TTN: variants seen among roughly 807,000 people sequenced by gnomAD.
TTN encodes the protein connectin.
TTN carries 1,525 observed loss-of-function variants against 3,223.0 expected under a neutral mutation model. The ratio of observed to expected loss-of-function variants is 0.47; its 90% confidence interval spans 0.45 to 0.49. The LOEUF is 0.49. TTN is among the 20% of genes least tolerant of loss of function. The pLI is 0.00. For synonymous variants in TTN, 14,094 were observed against 15,161.0 expected (o/e 0.93, Z 5.17); for missense variants, 40,786 against 43,424.0 (o/e 0.94, Z 5.40).
In TTN at chr2:178,601,512, A is replaced by T. The variant is rs1213190093; in HGVS notation, c.55485T>A (p.Ser18495Arg). The change falls in exon 287 of 363, where the codon AGT becomes AGA. Residue 18495 changes from serine (S) to arginine (R), a missense_variant. Physicochemically the swap from Ser to Arg is moderately radical, Grantham distance 110 (BLOSUM62 -1). Coordinates refer to ENST00000589042, the MANE Select transcript of TTN (RefSeq NM_001267550.2). ...DLKVSDITRG[S>R]CRLSWKMPDD... Reference sequence around the variant, plus strand: ...CTGGCATCTTCCATGAAAGTCTGCAACTACCCCTTGTGATATCACTGACTT... The same window carrying T: ...CTGGCATCTTCCATGAAAGTCTGCATCTACCCCTTGTGATATCACTGACTT... 6.2e-7 allele frequency: 1 copy of T among 1,612,846 alleles called. No individual in the cohort carries two copies. Among genetic ancestry groups the T allele is most frequent in the African/African-American group, 1.3e-5 (1 of 74,848 alleles).
In TTN at chr2:178,620,016, C is replaced by A. The variant is rs1467418331; in HGVS notation, c.46401G>T (p.Arg15467Ser). The A allele has an allele frequency of 4.3e-6, 7 of 1,611,494 alleles. No homozygotes were observed. The Admixed American group carries it at 6.7e-5, about 15-fold the overall frequency. The change falls in exon 249 of 363, where the codon AGG becomes AGT. Residue 15467 changes from arginine to serine, a missense_variant. By Grantham distance (110) the Arg-to-Ser change is moderately radical (BLOSUM62 -1). Transcript: ENST00000589042. The part of the protein sequence containing the change: ...ECEYACGVED[R>S]KSRARLFVEE... ...CCACAAAAAGTCTAGCACGAGACTT[C>A]CTGTCTTCTACCCCGCAAGCATATT...
chr2:178,680,411 A>C, intron 138 of TTN, 80 bp from the exon 139 acceptor site: 1 of 1,155,126 alleles, frequency 8.7e-7, no homozygotes, highest in Non-Finnish European at 1.3e-6. Flanking sequence ...TACTTTAAGC[A>C]GATAGAATAA....
Position 178,651,329 on chromosome 2 carries a change from A to G in TTN, c.39548-9T>C, listed in dbSNP as rs1437594941. The G allele has an allele frequency of 1.2e-6, 2 of 1,611,924 alleles. No individual in the cohort carries two copies. Among genetic ancestry groups the G allele is most frequent in the Non-Finnish European group, 1.7e-6 (2 of 1,178,724 alleles). On this transcript the variant is annotated splice_polypyrimidine_tract_variant and intron_variant, in intron 207 of 362. Transcript: ENST00000589042. Reference sequence around the variant, plus strand: ...TTTTGGAACTTCAGGCACTTCAAATATATTAGTATTTTAACATTAGAAACA... The same window carrying G: ...TTTTGGAACTTCAGGCACTTCAAATGTATTAGTATTTTAACATTAGAAACA...
At chr2:178,792,288 A>G (rs2093551187) in intron 9 of TTN, 91 bp from the exon 10 acceptor site, 37 of 1,336,628 alleles carry the variant, frequency 2.8e-5, no homozygotes, top group Non-Finnish European at 3.8e-5. Context: ...AGGAATTTGA[A>G]GATGTAAAAT....
Position 178,570,368 on chromosome 2 carries a change from A to G in TTN, c.75764T>C (p.Val25255Ala), listed in dbSNP as rs1226764220. Reference sequence around the variant, plus strand: ...GCTGAGAGTCTGCACATTGGCATCAACCACAGTCCAAACTAAGCGGCTGGT... The same window carrying G: ...GCTGAGAGTCTGCACATTGGCATCAGCCACAGTCCAAACTAAGCGGCTGGT... ...RETSRLVWTV[V>A]DANVQTLSCK... Residue 25255 changes from valine (V) to alanine (A), a missense_variant, in exon 326 of 363, where the codon GTT becomes GCT. Val to Ala is a moderately conservative substitution (Grantham distance 64). Coordinates refer to ENST00000589042, the MANE Select transcript of TTN (RefSeq NM_001267550.2). 2 of 1,613,238 alleles carry G rather than the reference A, an allele frequency of 1.2e-6. No individual in the cohort carries two copies. Among genetic ancestry groups the G allele is most frequent in the Non-Finnish European group, 1.7e-6 (2 of 1,179,604 alleles).
At chr2:178,733,164 G>C (rs757377645) in intron 54 of TTN, 43 bp from the exon 55 acceptor site, 46 of 1,558,278 alleles carry the variant, frequency 3.0e-5, no homozygotes, top group Non-Finnish European at 3.8e-5. Flanking sequence ...ATATAGAAGA[G>C]TGCTCAGTGA....
Position 178,775,153 on chromosome 2 carries a change from C to T in TTN, c.6558G>A (p.Lys2186=), listed in dbSNP as rs1255684366. The T allele has an allele frequency of 6.2e-7, 1 of 1,613,770 alleles. No homozygotes were observed. The highest frequency in any genetic ancestry group is 1.3e-5 in the African/African-American group (1 of 74,864). The change falls in exon 29 of 363, where the codon AAG becomes AAA. Residue 2186 remains lysine, a synonymous_variant. Transcript: ENST00000589042. The part of the protein sequence containing the change: ...FTQELQDVVA[K]EKDTMATFEC... ...CAAAGGTTGCCATAGTGTCTTTTTC[C>T]TTAGCAACAACATCTTGTAATTCCT...
In TTN at chr2:178,684,349, C is replaced by A. The variant is rs397517542; in HGVS notation, c.32703G>T (p.Glu10901Asp). Residue 10901 changes from glutamate to aspartate, a missense_variant, in exon 132 of 363, where the codon GAG becomes GAT. Glu to Asp is a conservative substitution (Grantham distance 45, BLOSUM62 2). Coordinates refer to ENST00000589042, the MANE Select transcript of TTN (RefSeq NM_001267550.2). ...ATGTACCTCTTGCTTTTGGAGGCGC[C>A]TCTTTTTTAGTTACAGCAACAAGAA... The part of the protein sequence containing the change: ...EKVLVAVTKK[E>D]APPKARVPEE... 1 of 1,613,494 alleles carries A rather than the reference C, an allele frequency of 6.2e-7. No homozygotes were observed. Among genetic ancestry groups the A allele is most frequent in the Non-Finnish European group, 8.5e-7 (1 of 1,179,640 alleles).
chr2:178,742,711 T>C (rs1024939242), intron 47 of TTN, among the ~76,000 whole-genome samples: 3 of 152,114 alleles, frequency 2.0e-5, no homozygotes, highest in African/African-American at 7.2e-5. Flanking sequence ...ATGAAAGACA[T>C]GTAATTTTAA....
Position 178,553,525 on chromosome 2 carries a change from G to T in TTN, c.89480C>A (p.Pro29827His), listed in dbSNP as rs1432117509. The T allele has an allele frequency of 1.9e-6, 3 of 1,613,014 alleles. No individual in the cohort carries two copies. The highest frequency in any genetic ancestry group is 2.7e-5 in the African/African-American group (2 of 74,894). Residue 29827 changes from proline (P) to histidine (H), a missense_variant, in exon 334 of 363, where the codon CCT becomes CAT. Pro to His is a moderately conservative substitution (Grantham distance 77). Transcript: ENST00000589042. ...ACCAAGTATATCTTTAGCTTGTACA[G>T]GTTCATTCATTTCTATAGGTTCTCC... The part of the protein sequence containing the change: ...GQGEPIEMNE[P>H]VQAKDILEAP...
chr2:178,712,014 A>C lies in TTN; in HGVS notation c.27816T>G (p.Ser9272Arg). The C allele has an allele frequency of 6.2e-7, 1 of 1,613,756 alleles. No homozygotes were observed. Among genetic ancestry groups the C allele is most frequent in the East Asian group, 2.2e-5 (1 of 44,870 alleles). Residue 9272 changes from serine to arginine, a missense_variant, in exon 96 of 363, where the codon AGT becomes AGG. By Grantham distance (110) the Ser-to-Arg change is moderately radical. Transcript: ENST00000589042. ...TTTCAGCTTTGCAGATATATTCTCC[A>C]CTATCATTAATATCAACCTGGTTGA... ...LVFNQVDIND[S>R]GEYICKAENS...
At chr2:178,697,396 T>C (rs1310436808) in intron 112 of TTN, among the ~76,000 whole-genome samples, 1 of 152,132 alleles carries the variant, frequency 6.6e-6, no homozygotes, top group Non-Finnish European at 1.5e-5. Context: ...AAGGCCAAAG[T>C]TTGATTCTAG....
In TTN at chr2:178,531,482, C is replaced by G. The variant is rs1689092123; in HGVS notation, c.105133G>C (p.Asp35045His). 1.9e-6 allele frequency: 3 copies of G among 1,613,930 alleles called. No individual in the cohort carries two copies. Among genetic ancestry groups the G allele is most frequent in the Non-Finnish European group, 8.5e-7 (1 of 1,179,898 alleles). The part of the protein sequence containing the change: ...DYTTYASQRR[D>H]EEVPRSVFPE... ...AAAACAGATCTGGGGACCTCTTCAT[C>G]TCTGCGTTGGGAAGCATAGGTGGTA... Residue 35045 changes from aspartate (D) to histidine (H), a missense_variant, in exon 358 of 363, where the codon GAT (aspartate) becomes CAT (histidine). By Grantham distance (81) the Asp-to-His change is moderately conservative. Transcript: ENST00000589042.
At chr2:178,714,242 C>A (rs756839934) in intron 91 of TTN, 50 bp downstream of exon 91, 4 of 1,594,898 alleles carry the variant, frequency 2.5e-6, no homozygotes, top group East Asian at 4.5e-5. Context: ...AAATACAGAT[C>A]CTGGTGAGTG....
Position 178,531,737 on chromosome 2 carries a change from G to A in TTN, c.104878C>T (p.Arg34960Cys), listed in dbSNP as rs772702110. Residue 34960 changes from arginine to cysteine, a missense_variant, in exon 358 of 363, where the codon CGT (arginine) becomes TGT (cysteine). Arg to Cys is a radical substitution (Grantham distance 180). Coordinates refer to ENST00000589042, the MANE Select transcript of TTN (RefSeq NM_001267550.2). The stretch of plus-strand genomic sequence containing the variant: ...TTAGACTGAACATTTAAAATAAAAC[G>A]TGTATTTTGGCCACATGGTACCCTG... Reference protein sequence around the residue: ...SHRVPCGQNTRFILNVQSKPT... With the variant: ...SHRVPCGQNTCFILNVQSKPT... 35 of 1,613,786 alleles carry A rather than the reference G, an allele frequency of 2.2e-5. No individual in the cohort carries two copies. The highest frequency in any genetic ancestry group is 6.7e-5 in the Admixed American group (4 of 59,998).
rs772093035 is a variant in TTN, at chr2:178,774,365, T to C, written c.6899A>G (p.Tyr2300Cys). 4.7e-5 allele frequency: 76 copies of C among 1,614,042 alleles called. No homozygotes were observed. Among genetic ancestry groups the C allele is most frequent in the Non-Finnish European group, 4.9e-5 (58 of 1,179,994 alleles). Residue 2300 changes from tyrosine to cysteine, a missense_variant, in exon 30 of 363, where the codon TAT (tyrosine) becomes TGT (cysteine). Physicochemically the swap from Tyr to Cys is radical, Grantham distance 194 (BLOSUM62 -2). Transcript: ENST00000589042. ...VSPENIEGKW[Y>C]HNDVELKSNG... ...GGATTTAAGCTCCACATCATTATGA[T>C]ACCATTTTCCTTCTATATTTTCTGG...
Position 178,533,008 on chromosome 2 carries a change from A to T in TTN, c.103607T>A (p.Leu34536His). Residue 34536 changes from leucine to histidine, a missense_variant, in exon 358 of 363, where the codon CTC (leucine) becomes CAC (histidine). Coordinates refer to ENST00000589042, the MANE Select transcript of TTN (RefSeq NM_001267550.2). ...CTCTGGTACATCATAAGGCATCCGG[A>T]GTTTTCTCTCCTCCTTCTTTTCTTC... ...EIEEKKEERK[L>H]RMPYDVPEPR... 6.2e-7 allele frequency: 1 copy of T among 1,613,702 alleles called. No individual in the cohort carries two copies. The highest frequency in any genetic ancestry group is 1.1e-5 in the South Asian group (1 of 91,056).
rs755018367 is a variant in TTN, at chr2:178,553,696, A to G, written c.89309T>C (p.Val29770Ala). The G allele has an allele frequency of 1.9e-5, 30 of 1,613,702 alleles. No individual in the cohort carries two copies. Among genetic ancestry groups the G allele is most frequent in the Non-Finnish European group, 2.1e-5 (25 of 1,179,806 alleles). Reference protein sequence around the residue: ...YDGGSAVTGYVVEIRQGEEEE... With the variant: ...YDGGSAVTGYAVEIRQGEEEE... ...TTCCTCTCCTTGTCTTATCTCGACA[A>G]CATACCCAGTAACAGCACTGCCCCC... The change falls in exon 334 of 363, where the codon GTT becomes GCT. Residue 29770 changes from valine to alanine, a missense_variant. Val to Ala is a moderately conservative substitution (Grantham distance 64, BLOSUM62 0). Coordinates refer to ENST00000589042, the MANE Select transcript of TTN (RefSeq NM_001267550.2).
In TTN at chr2:178,707,690, G is replaced by A; in HGVS notation, c.28877C>T (p.Ala9626Val). ...SEPIRIQWLK[A>V]GREIKPSDRC... ...GTCTGAAGGCTTTATTTCCCTGCCAGCCTTCAACCACTGGATCCTAATTGG... is the reference window on the plus strand; with the variant it reads ...GTCTGAAGGCTTTATTTCCCTGCCAACCTTCAACCACTGGATCCTAATTGG... Residue 9626 changes from alanine (A) to valine (V), a missense_variant, in exon 100 of 363, where the codon GCT becomes GTT. Ala to Val is a moderately conservative substitution (Grantham distance 64). Transcript: ENST00000589042. 6.2e-7 allele frequency: 1 copy of A among 1,613,946 alleles called. No homozygotes were observed. Among genetic ancestry groups the A allele is most frequent in the Non-Finnish European group, 8.5e-7 (1 of 1,179,856 alleles).
Sources: allele counts gnomAD v4.1 joint callset (sites outside exome capture counted in the v4.1 genomes callset), GRCh38; gene constraint gnomAD v4.1.1; transcripts MANE v1.5; gene names NCBI Gene and HGNC (gene_info 2026-07-23, HGNC 2026-07-21).